The following TTLL11 variants were observed in gnomAD, a reference collection of about 807,000 sequenced individuals.
TTLL11 encodes the protein tubulin polyglutamylase TTLL11.
TTLL11 carries 42 observed loss-of-function variants against 51.7 expected under a neutral mutation model. The observed-to-expected ratio is 0.81, with a 90% CI of 0.64 to 1.05. TTLL11 has a LOEUF of 1.05. Ranked by LOEUF, TTLL11 falls within the 50% of genes least tolerant of loss-of-function variation. The pLI is 0.00. For synonymous variants in TTLL11, 381 were observed against 383.5 expected, an observed-to-expected ratio of 0.99 and a Z score of 0.08; for missense variants, 799 against 940.4, an observed-to-expected ratio of 0.85 and a Z score of 1.97.
chr9:122,028,751 C>T (rs1180853595), intron 3 of TTLL11, among the ~76,000 whole-genome samples: 1 of 152,156 alleles, frequency 6.6e-6, no homozygotes. Context: ...AAACACTCAT[C>T]AAGATGGACA....
At position 121,897,640 on chromosome 9, in the gene TTLL11, A is replaced by ACACACACACACACG. The variant is rs111331446; in HGVS notation, c.1482-26893_1482-26892insCGTGTGTGTGTGTG. Among the ~76,000 whole-genome samples, 966 of 139,362 alleles carry ACACACACACACACG rather than the reference A, an allele frequency of 6.9e-3. 14 individuals carry two copies. Among genetic ancestry groups the ACACACACACACACG allele is most frequent in the African/African-American group, 0.024 (895 of 37,648 alleles). The allele number at this position is 139,362 out of a possible 152,430, so 91.4% of individuals were successfully genotyped here. ...CAGGCACACACACACACACACACACACGCGCGCGCGAAGTCTCCAACTGCC... is the reference window on the plus strand; with the variant it reads ...CAGGCACACACACACACACACACACACACACACACACACGCGCGCGCGCGAAGTCTCCAACTGCC... On this transcript the variant is annotated intron_variant, in intron 6 of 8. Coordinates refer to ENST00000321582, the MANE Select transcript of TTLL11 (RefSeq NM_001139442.2).
At chr9:121,827,902 T>A (rs1836867702) in intron 8 of TTLL11, among the ~76,000 whole-genome samples, 1 of 152,242 alleles carries the variant, frequency 6.6e-6, no homozygotes. Context: ...AGAGTCAAGC[T>A]CAGGCTCTGG....
At chr9:121,942,738 A>ATTTTTTTTT (rs34352222) in intron 6 of TTLL11, among the ~76,000 whole-genome samples, 20 of 97,874 alleles carry the variant, frequency 2.0e-4, no homozygotes, top group South Asian at 3.6e-4. Flanking sequence ...AATCTGTCTT[A>ATTTTTTTTT]TTTTTTTTTT....
rs200377954 is a variant in TTLL11 at position 122,002,978 on chromosome 9, T to C, written c.694-13208A>G. Among the ~76,000 whole-genome samples the C allele has an allele frequency of 5.9e-5, 8 of 134,602 alleles. No individual in the cohort carries two copies. The East Asian group carries it at 1.4e-3, about 24-fold the overall frequency. 88.3% of individuals were successfully genotyped at this position (134,602 alleles called of 152,430 possible). A position where few individuals can be genotyped will look rare whatever the true frequency, so the allele number is the denominator to read the frequency against. ...AAAAAAAAAAAAGAGATCCCCAGCG[T>C]GTCGAGCCTCCCTGCCAACCCACCG... On this transcript the variant is annotated intron_variant, in intron 3 of 8. Transcript: ENST00000321582.
intron 8 of TTLL11, among the ~76,000 whole-genome samples, chr9:121,834,214 C>T (rs570357870): frequency 4.4e-4 from 67 of 152,312 alleles, no homozygotes; most frequent in African/African-American, 1.5e-3. Flanking sequence ...TGCAGCCCAG[C>T]TCCCTGTCTG....
chr9:122,088,508 C>T (rs1846183814), intron 1 of TTLL11, among the ~76,000 whole-genome samples: 1 of 152,152 alleles, frequency 6.6e-6, no homozygotes, highest in Non-Finnish European at 1.5e-5. Flanking sequence ...AGCTATGTGG[C>T]CTCAGGTAAG....
chr9:121,989,455 G>A lies in TTLL11; in HGVS notation c.1009C>T (p.Arg337Cys), dbSNP rs775586962. Reference sequence around the variant, plus strand: ...TAGTTGGTTAAGTGCATAAAGATGCGGTGCAGGTTTTTGGGGGTGGGCTCC... The same window carrying A: ...TAGTTGGTTAAGTGCATAAAGATGCAGTGCAGGTTTTTGGGGGTGGGCTCC... ...YQEPTPKNLHRIFMHLTNYSL... is the reference protein window; with the variant it reads ...YQEPTPKNLHCIFMHLTNYSL... The change falls in exon 4 of 9, where the codon CGC becomes TGC. Residue 337 changes from arginine to cysteine, a missense_variant. Arg to Cys is a radical substitution (Grantham distance 180). Around this residue, in one of 3 missense-constraint regions of TTLL11, gnomAD observed 468 missense variants for 612.8 expected, o/e 0.76. Transcript: ENST00000321582. This position sits in a 1 kb window ranked among gnomAD's most constrained non-coding sequence, Gnocchi z 4.2. 1.4e-5 allele frequency: 22 copies of A among 1,614,002 alleles called. No individual in the cohort carries two copies. The highest frequency in any genetic ancestry group is 5.3e-5 in the African/African-American group (4 of 74,902).
intron 6 of TTLL11, among the ~76,000 whole-genome samples, chr9:121,930,197 G>A (rs1199571590): frequency 6.6e-6 from 1 of 152,178 alleles, no homozygotes; most frequent in Non-Finnish European, 1.5e-5. Context: ...AAAGAGAACT[G>A]GGCCAGGTTC....
chr9:122,057,322 CTTTT>C (rs58226814), intron 1 of TTLL11, among the ~76,000 whole-genome samples: 13 of 128,130 alleles, frequency 1.0e-4, no homozygotes, highest in Non-Finnish European at 9.7e-5. Context: ...AGCTCAAATC[CTTTT>C]TTTTTTTTTT....
At chr9:121,895,003 G>A (rs1839399389) in intron 6 of TTLL11, among the ~76,000 whole-genome samples, 1 of 152,002 alleles carries the variant, frequency 6.6e-6, no homozygotes, top group Non-Finnish European at 1.5e-5. Context: ...GGGGTCAGGG[G>A]AGGTGGGACC....
chr9:121,983,783 A>C (rs1281913915), intron 4 of TTLL11, among the ~76,000 whole-genome samples: 3 of 152,122 alleles, frequency 2.0e-5, no homozygotes, highest in Non-Finnish European at 4.4e-5. Flanking sequence ...TGGAGTTCTC[A>C]TGAGTCAGCT....
At chr9:122,024,860 T>G (rs1002411259) in intron 3 of TTLL11, among the ~76,000 whole-genome samples, 1 of 152,114 alleles carries the variant, frequency 6.6e-6, no homozygotes, top group African/African-American at 2.4e-5. Context: ...TTTGTGAGCT[T>G]GGGTTAGATA....
chr9:122,040,037 C>A (rs533113591), intron 1 of TTLL11, among the ~76,000 whole-genome samples: 1 of 152,166 alleles, frequency 6.6e-6, no homozygotes, highest in Admixed American at 6.5e-5. Flanking sequence ...ATGAGATAAC[C>A]AGATTCTCTC....
chr9:122,048,268 G>A (rs1845071217), intron 1 of TTLL11, among the ~76,000 whole-genome samples: 1 of 152,076 alleles, frequency 6.6e-6, no homozygotes, highest in Non-Finnish European at 1.5e-5. Flanking sequence ...CTAGCCTCAA[G>A]TGATCCTCCC....
At chr9:121,897,629 C>CACACACAT (rs58031778) in intron 6 of TTLL11, among the ~76,000 whole-genome samples, 11 of 130,810 alleles carry the variant, frequency 8.4e-5, no homozygotes, top group South Asian at 4.9e-4. Context: ...CACACACACA[C>CACACACAT]ACACACACAC....
intron 3 of TTLL11, among the ~76,000 whole-genome samples, chr9:122,018,636 CTG>C (rs989077622): frequency 2.0e-5 from 3 of 152,170 alleles, no homozygotes; most frequent in African/African-American, 7.2e-5. Flanking sequence ...AACCAAGATC[CTG>C]TAAGGAAGAG....
intron 6 of TTLL11, among the ~76,000 whole-genome samples, chr9:121,968,933 G>A (rs1273655654): frequency 2.0e-5 from 3 of 151,532 alleles, no homozygotes; most frequent in Non-Finnish European, 4.4e-5. Flanking sequence ...GTAGTGGCAC[G>A]ATCTCGGCTC....
intron 1 of TTLL11, among the ~76,000 whole-genome samples, chr9:122,083,469 T>C (rs1372122798): frequency 6.6e-6 from 1 of 152,184 alleles, no homozygotes; most frequent in African/African-American, 2.4e-5. Context: ...TGCTATTTTA[T>C]GGTTCTTACC....
chr9:121,899,970 C>G (rs1308785694), intron 6 of TTLL11, among the ~76,000 whole-genome samples: 1 of 152,226 alleles, frequency 6.6e-6, no homozygotes, highest in Non-Finnish European at 1.5e-5. Context: ...GCAGTAGACA[C>G]TATTTCCCCC....
Sources: gnomAD v4.1 joint callset for allele counts (sites outside exome capture counted in the v4.1 genomes callset) on GRCh38, gnomAD v4.1.1 for gene constraint, gnomAD v4.1.1 regional missense constraint, Gnocchi (gnomAD v3.1) non-coding constraint, MANE v1.5 for transcripts, NCBI Gene and HGNC (gene_info 2026-07-23, HGNC 2026-07-21) for gene names.